Variants in ATP2C1 observed in about 807,000 individuals in gnomAD.
The protein encoded by ATP2C1 is calcium-transporting ATPase type 2C member 1.
In ATP2C1, 31 loss-of-function variants were observed where a neutral mutation model predicts 120.5. That is an observed-to-expected ratio of 0.26 (90% confidence interval 0.19 to 0.35). The LOEUF is 0.35. Among genes scored for constraint, ATP2C1 ranks in the 10% least tolerant of loss-of-function variants. The pLI, the probability that ATP2C1 is intolerant of heterozygous loss-of-function variation, is 1.00. For synonymous variants in ATP2C1, 351 were observed against 358.7 expected, an observed-to-expected ratio of 0.98 and a Z score of 0.24; for missense variants, 731 against 1,107.5, an observed-to-expected ratio of 0.66 and a Z score of 4.83.
intron 20 of ATP2C1, among the ~76,000 whole-genome samples, chr3:130,985,787 A>G (rs1445218770): frequency 2.0e-5 from 3 of 152,202 alleles, no homozygotes; most frequent in Non-Finnish European, 2.9e-5. Flanking sequence ...GCTGACTTTC[A>G]CGATCATTAA....
At chr3:130,941,282 A>T (rs1375355647) in intron 7 of ATP2C1, among the ~76,000 whole-genome samples, 1 of 141,862 alleles carries the variant, frequency 7.0e-6, no homozygotes, top group African/African-American at 2.9e-5. Flanking sequence ...GTGTGCGCGC[A>T]CGCGCGCATG....
intron 2 of ATP2C1, chr3:130,929,789 C>A: frequency 6.1e-6 from 1 of 162,624 alleles, no homozygotes; most frequent in Non-Finnish European, 1.4e-5. Flanking sequence ...ACCTTGATTA[C>A]TACTATCTCG....
At chr3:131,007,385 G>A (rs978258698), downstream of ATP2C1, among the ~76,000 whole-genome samples, 4 of 152,194 alleles carry the variant, frequency 2.6e-5, no homozygotes, top group Non-Finnish European at 4.4e-5. Context: ...CATTTCTGTG[G>A]TGGCTTCATG....
intron 2 of ATP2C1, among the ~76,000 whole-genome samples, chr3:130,896,267 C>G (rs2069616678): frequency 6.6e-6 from 1 of 152,096 alleles, no homozygotes; most frequent in African/African-American, 2.4e-5. Flanking sequence ...AGTAATAAAG[C>G]CGATTCTCAT....
At chr3:131,013,955 C>T (rs1473627205) in intron 26 of ATP2C1, 4 of 758,504 alleles carry the variant, frequency 5.3e-6, no homozygotes, top group Non-Finnish European at 8.2e-6. Context: ...TATCCCCTAA[C>T]AGGTCAGTCC....
chr3:130,969,523 T>C, intron 17 of ATP2C1, 127 bp downstream of exon 17: 1 of 724,080 alleles, frequency 1.4e-6, no homozygotes, highest in Admixed American at 2.0e-5. Context: ...TACATGTAAT[T>C]AATAGTACAC....
At chr3:130,903,688 A>G (rs72983771) in intron 2 of ATP2C1, among the ~76,000 whole-genome samples, 1 of 115,854 alleles carries the variant, frequency 8.6e-6, no homozygotes, top group African/African-American at 3.4e-5. Context: ...CCCCTTTCCC[A>G]TTTCCCCTTT....
In ATP2C1 at chr3:130,953,895, G is replaced by T. The variant is rs753563135; in HGVS notation, c.606G>T (p.Gln202His). 1.2e-6 allele frequency: 2 copies of T among 1,613,918 alleles called. No homozygotes were observed. Among genetic ancestry groups the T allele is most frequent in the African/African-American group, 2.7e-5 (2 of 74,892 alleles). The change falls in exon 9 of 28, where the codon CAG (glutamine) becomes CAT (histidine). Residue 202 changes from glutamine to histidine, a missense_variant. This residue lies in a region of ATP2C1 where 571 missense variants were observed against 845.9 expected (regional missense o/e 0.67). Transcript: ENST00000510168. ...CTTGTTCTAAGGTGACAGCTCCTCA[G>T]CCAGCTGCAACTAATGGAGATCTTG... ...TTPCSKVTAP[Q>H]PAATNGDLAS... is the part of the protein sequence containing the mutation.
chr3:130,948,258 C>G (rs958626128), intron 8 of ATP2C1, among the ~76,000 whole-genome samples: 2 of 151,296 alleles, frequency 1.3e-5, no homozygotes, highest in African/African-American at 4.9e-5. Context: ...GTGATGAACT[C>G]TTTTTGCTTT....
intron 12 of ATP2C1, chr3:130,963,394 G>T (rs1229469250): frequency 6.4e-6 from 1 of 155,862 alleles, no homozygotes; most frequent in Non-Finnish European, 1.4e-5. Flanking sequence ...TCATATAAAT[G>T]AAATGATATA....
chr3:130,924,032 G>A (rs76919432), intron 2 of ATP2C1, among the ~76,000 whole-genome samples: 18,800 of 151,918 alleles, frequency 0.12, 1,390 homozygotes, highest in South Asian at 0.23. Context: ...CTTCCATTCT[G>A]TATCTTTTAA....
intron 20 of ATP2C1, among the ~76,000 whole-genome samples, chr3:130,988,379 C>A (rs2062126858): frequency 6.6e-6 from 1 of 152,086 alleles, no homozygotes; most frequent in Non-Finnish European, 1.5e-5. Context: ...GAGAAAAATA[C>A]CCCTTGTAGA....
Position 130,964,950 on chromosome 3 carries a change from T to C in ATP2C1, c.1027T>C (p.Cys343Arg). ...KKLPIVETLG[C>R]CNVICSDKTG... ...CTTGTAATGATTTAATTCTTTAGGCTGCTGTAATGTGATTTGTTCAGATAA... is the reference window on the plus strand; with the variant it reads ...CTTGTAATGATTTAATTCTTTAGGCCGCTGTAATGTGATTTGTTCAGATAA... The change falls in exon 14 of 28, where the codon TGC (cysteine) becomes CGC (arginine). Residue 343 changes from cysteine (C) to arginine (R), a missense_variant and splice_region_variant. Cys to Arg is a radical substitution (Grantham distance 180). This residue lies in a region of ATP2C1 where 571 missense variants were observed against 845.9 expected (regional missense o/e 0.67). Coordinates refer to ENST00000510168, the MANE Select transcript of ATP2C1 (RefSeq NM_001378687.1). The C allele has an allele frequency of 3.7e-6, 6 of 1,607,400 alleles. No individual in the cohort carries two copies. Among genetic ancestry groups the C allele is most frequent in the Non-Finnish European group, 4.3e-6 (5 of 1,174,810 alleles).
At chr3:130,933,941 T>C (rs2059559769) in intron 4 of ATP2C1, among the ~76,000 whole-genome samples, 1 of 152,220 alleles carries the variant, frequency 6.6e-6, no homozygotes, top group Non-Finnish European at 1.5e-5. Flanking sequence ...TTGACAGTGA[T>C]GTAACACTTT....
At chr3:130,926,005 T>G (rs2059187335) in intron 2 of ATP2C1, among the ~76,000 whole-genome samples, 1 of 152,144 alleles carries the variant, frequency 6.6e-6, no homozygotes, top group Non-Finnish European at 1.5e-5. Context: ...CAAGTCTTTT[T>G]CCAGGTAGCC....
intron 2 of ATP2C1, among the ~76,000 whole-genome samples, chr3:130,900,351 C>T (rs945398778): frequency 4.6e-5 from 7 of 152,116 alleles, no homozygotes; most frequent in African/African-American, 1.2e-4. Flanking sequence ...CATGAGCCAC[C>T]GTGCCCAGCT....
downstream of ATP2C1, among the ~76,000 whole-genome samples, chr3:131,006,788 A>G (rs2063135621): frequency 6.6e-6 from 1 of 151,110 alleles, no homozygotes. Context: ...TCAGCCTCTC[A>G]AGTAGCTGGG....
intron 2 of ATP2C1, chr3:130,919,058 C>A (rs1310274379): frequency 8.0e-6 from 4 of 497,856 alleles, no homozygotes; most frequent in Non-Finnish European, 1.6e-5. Flanking sequence ...TGCACCTCTT[C>A]TGCGTGGTGC....
At chr3:130,966,997 A>G in intron 14 of ATP2C1, 148 bp from the exon 15 acceptor site, 2 of 700,576 alleles carry the variant, frequency 2.9e-6, no homozygotes, top group African/African-American at 1.8e-5. Context: ...TTAAAGACAA[A>G]TTTTAATGCT....
Sources: gnomAD v4.1 joint callset for allele counts (sites outside exome capture counted in the v4.1 genomes callset) on GRCh38, gnomAD v4.1.1 for gene constraint, gnomAD v4.1.1 regional missense constraint, MANE v1.5 for transcripts, NCBI Gene and HGNC (gene_info 2026-07-23, HGNC 2026-07-21) for gene names.